Variants in VWA3B observed in about 807,000 individuals in gnomAD.
The protein encoded by VWA3B is von Willebrand factor A domain-containing protein 3B.
VWA3B carries 138 observed loss-of-function variants against 158.3 expected under a neutral mutation model. That is an observed-to-expected ratio of 0.87 (90% CI 0.76 to 1.00). VWA3B has a LOEUF of 1.00. Ranked by LOEUF, VWA3B falls within the 50% of genes least tolerant of loss-of-function variation. VWA3B has a pLI of 0.00. For synonymous variants in VWA3B, 596 were observed against 587.3 expected, an observed-to-expected ratio of 1.01 and a Z score of -0.21; for missense variants, 1,555 against 1,565.1, an observed-to-expected ratio of 0.99 and a Z score of 0.11.
chr2:98,120,371 T>C (rs754051126), intron 4 of VWA3B, among the ~76,000 whole-genome samples: 23 of 152,258 alleles, frequency 1.5e-4, no homozygotes, highest in Non-Finnish European at 3.2e-4. Context: ...AGGATCTACC[T>C]CATTCAGTTT....
At chr2:98,212,235 A>G (rs142342652) in intron 13 of VWA3B, 77 of 490,234 alleles carry the variant, frequency 1.6e-4, no homozygotes, top group African/African-American at 1.4e-3. Flanking sequence ...GAGACAGTGA[A>G]TGTTGCCTGG....
chr2:98,271,141 T>C (rs1688178717), intron 22 of VWA3B, among the ~76,000 whole-genome samples: 1 of 152,124 alleles, frequency 6.6e-6, no homozygotes, highest in Non-Finnish European at 1.5e-5. Context: ...AATGTAGTGA[T>C]TAAAAGCCTG....
At chr2:98,319,125 A>G in the VWA3B span, among the ~76,000 whole-genome samples, 1 of 152,242 alleles carries the variant, frequency 6.6e-6, no homozygotes, top group Non-Finnish European at 1.5e-5. Flanking sequence ...AAACTTTAAT[A>G]ACAGGTACTA....
chr2:98,190,944 C>G (rs537144733), intron 10 of VWA3B, among the ~76,000 whole-genome samples: 1 of 151,632 alleles, frequency 6.6e-6, no homozygotes, highest in East Asian at 1.9e-4. Flanking sequence ...TCTGCCTCCC[C>G]CTCTCTTCTC....
chr2:98,312,622 A>C lies in VWA3B; in HGVS notation c.*273A>C. 2.7e-6 allele frequency: 1 copy of C among 375,542 alleles called. No individual in the cohort carries two copies. The highest frequency in any genetic ancestry group is 4.2e-5 in the East Asian group (1 of 23,672). The allele number at this position is 375,542 out of a possible 1,614,324, so 23.3% of individuals were successfully genotyped here. On this transcript the variant is annotated 3_prime_UTR_variant, in exon 28 of 28. Coordinates refer to ENST00000477737, the MANE Select transcript of VWA3B (RefSeq NM_144992.5). Reference sequence around the variant, plus strand: ...TATTCCATCTTCTGGTAGACGCCCCACCCCCAGAAGTTTTAACCTGAAGGA... The same window carrying C: ...TATTCCATCTTCTGGTAGACGCCCCCCCCCCAGAAGTTTTAACCTGAAGGA...
intron 14 of VWA3B, among the ~76,000 whole-genome samples, chr2:98,224,579 A>G (rs1684764825): frequency 6.6e-6 from 1 of 151,908 alleles, no homozygotes; most frequent in South Asian, 2.1e-4. Flanking sequence ...AAATCAAAAT[A>G]GAATTGTAAG....
intron 2 of VWA3B, among the ~76,000 whole-genome samples, chr2:98,101,591 A>C (rs141293662): frequency 2.0e-5 from 3 of 152,348 alleles, no homozygotes; most frequent in African/African-American, 7.2e-5. Context: ...GCTTTGTTCT[A>C]TTCTGGTACT....
chr2:98,212,240 G>A, intron 13 of VWA3B: 1 of 478,464 alleles, frequency 2.1e-6, no homozygotes, highest in Non-Finnish European at 3.8e-6. Context: ...AGTGAATGTT[G>A]CCTGGTGAGT....
intron 14 of VWA3B, among the ~76,000 whole-genome samples, chr2:98,225,153 C>T (rs1014977605): frequency 1.3e-5 from 2 of 152,178 alleles, no homozygotes; most frequent in African/African-American, 2.4e-5. Context: ...AGGCTGATCT[C>T]GAACTCCTGA....
At chr2:98,314,657 C>T (rs1691050407), downstream of VWA3B, among the ~76,000 whole-genome samples, 1 of 152,148 alleles carries the variant, frequency 6.6e-6, no homozygotes, top group African/African-American at 2.4e-5. Context: ...GTACAATTTA[C>T]AATGTCTGAC....
rs570074567 is a variant in VWA3B at position 98,249,370 on chromosome 2, A to T, written c.2674-948A>T. On this transcript the variant is annotated intron_variant, in intron 19 of 27. Transcript: ENST00000477737. Reference sequence around the variant, plus strand: ...GGTAATATGCAAATAGGTAAACATAAAGTTACAGTTACTATCAAGATTAAA... The same window carrying T: ...GGTAATATGCAAATAGGTAAACATATAGTTACAGTTACTATCAAGATTAAA... Among the ~76,000 whole-genome samples, 6 of 152,302 alleles carry T rather than the reference A, an allele frequency of 3.9e-5. 1 individual carries two copies. The South Asian group carries it at 1.2e-3, about 32-fold the overall frequency.
Position 98,290,583 on chromosome 2 carries a change from G to A in VWA3B, c.3118G>A (p.Val1040Ile), listed in dbSNP as rs765783235. Residue 1040 changes from valine to isoleucine, a missense_variant, in exon 23 of 28, where the codon GTT (valine) becomes ATT (isoleucine). Transcript: ENST00000477737. ...KRPDPLKGQK[V>I]IARCDENGFY... ...ACCAGATCCCCTCAAAGGACAGAAG[G>A]TTATTGCAAGATGTGATGAAAATGG... The A allele has an allele frequency of 1.9e-6, 3 of 1,594,300 alleles. No individual in the cohort carries two copies. Among genetic ancestry groups the A allele is most frequent in the Admixed American group, 1.8e-5 (1 of 55,478 alleles).
At chr2:98,200,353 C>T (rs967801183) in intron 12 of VWA3B, among the ~76,000 whole-genome samples, 4 of 151,998 alleles carry the variant, frequency 2.6e-5, no homozygotes, top group Non-Finnish European at 4.4e-5. Context: ...CCAGCCTGGC[C>T]AACATGGTGA....
At chr2:98,096,258 T>C (rs1682701506) in intron 2 of VWA3B, among the ~76,000 whole-genome samples, 1 of 152,210 alleles carries the variant, frequency 6.6e-6, no homozygotes. Flanking sequence ...CGTGGGCTTT[T>C]CTTTGCTGGG....
rs1684170162 is a variant in VWA3B at position 98,217,966 on chromosome 2, G to A, written c.1957G>A (p.Gly653Arg). Reference protein sequence around the residue: ...RFLKEVAALTGGEFHFYNFGC... With the variant: ...RFLKEVAALTRGEFHFYNFGC... Reference sequence around the variant, plus strand: ...TTTGAAAGAGGTTGCTGCTTTGACTGGAGGAGAGTTCCATTTTTATAATTT... The same window carrying A: ...TTTGAAAGAGGTTGCTGCTTTGACTAGAGGAGAGTTCCATTTTTATAATTT... Residue 653 changes from glycine (G) to arginine (R), a missense_variant, in exon 14 of 28, where the codon GGA becomes AGA. Coordinates refer to ENST00000477737, the MANE Select transcript of VWA3B (RefSeq NM_144992.5). The A allele has an allele frequency of 6.2e-7, 1 of 1,613,456 alleles. No homozygotes were observed. Among genetic ancestry groups the A allele is most frequent in the Non-Finnish European group, 8.5e-7 (1 of 1,179,714 alleles).
chr2:98,164,495 A>G (rs911364394), intron 8 of VWA3B, among the ~76,000 whole-genome samples: 7 of 152,168 alleles, frequency 4.6e-5, no homozygotes, highest in Non-Finnish European at 8.8e-5. Context: ...TCATAACTCT[A>G]TGAGGGAGTT....
chr2:98,097,918 T>C (rs1682822443), intron 2 of VWA3B, among the ~76,000 whole-genome samples: 1 of 152,302 alleles, frequency 6.6e-6, no homozygotes, highest in African/African-American at 2.4e-5. Context: ...TTTGGGAATG[T>C]CTATTCATGT....
chr2:98,137,779 T>A (rs1208474287), intron 7 of VWA3B, among the ~76,000 whole-genome samples: 1 of 152,192 alleles, frequency 6.6e-6, no homozygotes, highest in East Asian at 1.9e-4. Context: ...CAACTCTGAA[T>A]TGAAAATGAA....
At chr2:98,196,499 C>T (rs1307014525) in intron 12 of VWA3B, among the ~76,000 whole-genome samples, 6 of 152,188 alleles carry the variant, frequency 3.9e-5, no homozygotes, top group Non-Finnish European at 8.8e-5. Context: ...TCAGGGTGGT[C>T]TGAGCCTGCT....
Sources: allele counts gnomAD v4.1 joint callset (sites outside exome capture counted in the v4.1 genomes callset), GRCh38; gene constraint gnomAD v4.1.1; transcripts MANE v1.5; gene names NCBI Gene and HGNC (gene_info 2026-07-23, HGNC 2026-07-21).